The following ASIC2 variants were observed in gnomAD, a reference collection of about 807,000 sequenced individuals.
ASIC2 encodes acid sensing ion channel subunit 2.
Under a neutral mutation model 57.3 loss-of-function variants are expected in ASIC2, and 25 were observed. The ratio of observed to expected loss-of-function variants is 0.44; its 90% CI spans 0.32 to 0.61. ASIC2 has a LOEUF of 0.61. ASIC2 is among the 20% of genes least tolerant of loss of function. The probability of loss-of-function intolerance (pLI) is 0.06; values close to 1 mark genes in which losing one functional copy is unlikely to be tolerated. For missense variants in ASIC2, 641 were observed against 738.1 expected (o/e 0.87, Z 1.52); for synonymous variants, 319 against 307.5 (o/e 1.04, Z -0.39).
chr17:33,879,791 A>T (rs543983356), intron 1 of ASIC2, among the ~76,000 whole-genome samples: 25 of 152,342 alleles, frequency 1.6e-4, no homozygotes, highest in Admixed American at 3.9e-4. Flanking sequence ...CCCAAAATCA[A>T]CAGAATATAC....
intron 1 of ASIC2, among the ~76,000 whole-genome samples, chr17:33,382,282 T>C (rs758720731): frequency 2.0e-5 from 3 of 152,216 alleles, no homozygotes; most frequent in Admixed American, 6.5e-5. Flanking sequence ...CAGACACAGA[T>C]TAAAAATGAG....
chr17:33,879,676 G>T (rs1208463225), intron 1 of ASIC2, among the ~76,000 whole-genome samples: 2 of 152,156 alleles, frequency 1.3e-5, no homozygotes, highest in African/African-American at 4.8e-5. Flanking sequence ...ACACCCCAAT[G>T]TCAACATTAG....
chr17:33,762,891 C>T (rs922675687), intron 1 of ASIC2, among the ~76,000 whole-genome samples: 1 of 152,186 alleles, frequency 6.6e-6, no homozygotes, highest in Non-Finnish European at 1.5e-5. Flanking sequence ...GACTTCCAGT[C>T]CGTTGCGGGG....
rs1044264242 is a variant in ASIC2 at position 33,851,803 on chromosome 17, C to A, written c.555+304175G>T. On this transcript the variant is annotated intron_variant, in intron 1 of 9. Transcript: ENST00000359872. ...AGCATAATCACCCATAGTTGGGAAC[C>A]ACTGCTGTCAATGGACAATCAGTCT... Among the ~76,000 whole-genome samples, 23 of 152,274 alleles carry A rather than the reference C, an allele frequency of 1.5e-4. No individual in the cohort carries two copies. The South Asian group carries it at 2.7e-3, about 18-fold the overall frequency.
intron 1 of ASIC2, among the ~76,000 whole-genome samples, chr17:34,020,897 G>A (rs1242078748): frequency 1.3e-5 from 2 of 152,136 alleles, no homozygotes; most frequent in Admixed American, 6.5e-5. Flanking sequence ...AAGTTGCTAA[G>A]TTTATGGTGA....
At chr17:33,877,504 T>C (rs1199623017) in intron 1 of ASIC2, among the ~76,000 whole-genome samples, 4 of 152,174 alleles carry the variant, frequency 2.6e-5, no homozygotes, top group Non-Finnish European at 5.9e-5. Flanking sequence ...CCTACGCCCA[T>C]GCAGCCTCGC....
At chr17:33,543,286 T>TGAAACAAAAC (rs1555542487) in intron 1 of ASIC2, among the ~76,000 whole-genome samples, 1 of 140,568 alleles carries the variant, frequency 7.1e-6, no homozygotes, top group African/African-American at 3.1e-5. Context: ...TAAAGTATAA[T>TGAAACAAAAC]AAAACAAAAC....
In ASIC2 at chr17:33,240,686, G is replaced by A. The variant is rs112308841; in HGVS notation, c.708+50722C>T. On this transcript the variant is annotated intron_variant, in intron 1 of 9. Coordinates refer to ENST00000225823, the MANE Select transcript of ASIC2 (RefSeq NM_183377.2). Reference sequence around the variant, plus strand: ...CCCTACCCCAGGCAGCCAGGAGCGGGAAGGAGCTGTAGCATTGGAAGGTAG... The same window carrying A: ...CCCTACCCCAGGCAGCCAGGAGCGGAAAGGAGCTGTAGCATTGGAAGGTAG... Among the ~76,000 whole-genome samples the A allele has an allele frequency of 3.9e-5, 6 of 152,272 alleles. 1 individual carries two copies. Among genetic ancestry groups the A allele is most frequent in the African/African-American group, 1.4e-4 (6 of 41,552 alleles).
intron 1 of ASIC2, among the ~76,000 whole-genome samples, chr17:33,161,688 TGTTC>T (rs1567768344): frequency 3.3e-5 from 5 of 152,132 alleles, no homozygotes; most frequent in Admixed American, 6.6e-5. Flanking sequence ...ACATAGTATG[TGTTC>T]AACAAATATC....
intron 1 of ASIC2, among the ~76,000 whole-genome samples, chr17:33,306,596 C>T (rs1428345270): frequency 1.3e-5 from 2 of 152,168 alleles, no homozygotes; most frequent in Non-Finnish European, 2.9e-5. Flanking sequence ...ATGCTCCCTC[C>T]TAAATCATTC....
At chr17:33,230,742 G>A (rs1275999742) in intron 1 of ASIC2, among the ~76,000 whole-genome samples, 4 of 152,140 alleles carry the variant, frequency 2.6e-5, no homozygotes, top group Non-Finnish European at 5.9e-5. Flanking sequence ...CTTTCTCCAG[G>A]AAGAACGAAG....
chr17:33,925,971 A>T (rs1462993420), intron 1 of ASIC2, among the ~76,000 whole-genome samples: 1 of 152,324 alleles, frequency 6.6e-6, no homozygotes, highest in Non-Finnish European at 1.5e-5. Flanking sequence ...CTTTTTTTAG[A>T]TGCAGAAGGC....
intron 1 of ASIC2, among the ~76,000 whole-genome samples, chr17:33,590,877 C>T (rs1280887713): frequency 6.6e-6 from 1 of 152,144 alleles, no homozygotes; most frequent in Non-Finnish European, 1.5e-5. Flanking sequence ...AGTTGGTTTC[C>T]AAAGCTTGGT....
intron 1 of ASIC2, among the ~76,000 whole-genome samples, chr17:33,956,326 G>A (rs1037148137): frequency 5.3e-5 from 8 of 152,184 alleles, no homozygotes; most frequent in South Asian, 2.1e-4. Context: ...GTAGCAAGGC[G>A]AGGCTAGGGT....
At chr17:33,214,338 T>A (rs1375487151) in intron 1 of ASIC2, among the ~76,000 whole-genome samples, 1 of 152,156 alleles carries the variant, frequency 6.6e-6, no homozygotes, top group African/African-American at 2.4e-5. Context: ...AACACTGGGC[T>A]GATGGCCTGA....
At chr17:33,241,791 C>G (rs1268109481) in intron 1 of ASIC2, among the ~76,000 whole-genome samples, 1 of 152,208 alleles carries the variant, frequency 6.6e-6, no homozygotes, top group Non-Finnish European at 1.5e-5. Flanking sequence ...TGGCCCCTGT[C>G]CTCCTGGGCT....
At chr17:33,199,734 C>T (rs1466804387) in intron 1 of ASIC2, among the ~76,000 whole-genome samples, 2 of 152,212 alleles carry the variant, frequency 1.3e-5, no homozygotes, top group African/African-American at 2.4e-5. Flanking sequence ...GGGCTCCTCT[C>T]TCTTGTAAAG....
intron 1 of ASIC2, among the ~76,000 whole-genome samples, chr17:33,568,285 T>C (rs1731638295): frequency 6.6e-6 from 1 of 152,222 alleles, no homozygotes; most frequent in African/African-American, 2.4e-5. Context: ...TCACCAACCA[T>C]ATACTGAGCA....
intron 1 of ASIC2, among the ~76,000 whole-genome samples, chr17:33,987,575 T>A (rs532073693): frequency 1.3e-5 from 2 of 152,116 alleles, no homozygotes; most frequent in African/African-American, 4.8e-5. Flanking sequence ...ACACACACAA[T>A]CAGAAATAAA....
Sources: allele counts gnomAD v4.1 joint callset (sites outside exome capture counted in the v4.1 genomes callset), GRCh38; gene constraint gnomAD v4.1.1; transcripts MANE v1.5; gene names NCBI Gene and HGNC (gene_info 2026-07-23, HGNC 2026-07-21).